PRH1: variants seen among roughly 807,000 people sequenced by gnomAD.
PRH1 encodes proline rich protein HaeIII subfamily 1, also known as salivary acidic proline-rich phosphoprotein 1/2.
A neutral mutation model predicts 7.9 loss-of-function variants in PRH1; 7 were observed. The ratio of observed to expected loss-of-function variants is 0.89; its 90% confidence interval spans 0.50 to 1.67. The LOEUF (loss-of-function observed/expected upper bound fraction) is 1.67, where lower values mean the gene tolerates loss of function less well. PRH1 is among the 40% of genes most tolerant of loss of function. The pLI is 0.00. For missense variants in PRH1, 109 were observed against 223.6 expected (o/e 0.49, Z 3.27); for synonymous variants, 45 against 80.8 (o/e 0.56, Z 2.38).
Position 11,081,567 on chromosome 12 carries a change from A to T in PRH1, n.124-34379T>A, listed in dbSNP as rs567854976. Among the ~76,000 whole-genome samples, 3 of 116,586 alleles carry T rather than the reference A, an allele frequency of 2.6e-5. 1 individual carries two copies. The East Asian group carries it at 6.3e-4, about 24-fold the overall frequency. The allele number at this position is 116,586 out of a possible 152,430, so 76.5% of individuals were successfully genotyped here. A position where few individuals can be genotyped will look rare whatever the true frequency, so the allele number is the denominator to read the frequency against. Reference sequence around the variant, plus strand: ...TTGAAAGAAACTAGAAATTAAGTTGATGTGAGTAGCTTTTTTTGGATATTA... The same window carrying T: ...TTGAAAGAAACTAGAAATTAAGTTGTTGTGAGTAGCTTTTTTTGGATATTA... On this transcript the variant is annotated intron_variant and non_coding_transcript_variant, in intron 1 of 4. Coordinates refer to the PRH1 transcript ENST00000541977.
chr12:10,911,938 C>T (rs1339079782), intron 2 of PRH1, among the ~76,000 whole-genome samples: 1 of 152,120 alleles, frequency 6.6e-6, no homozygotes, highest in Non-Finnish European at 1.5e-5. Flanking sequence ...ATTCAAATCA[C>T]GTTATTGTTT....
At chr12:10,897,664 G>A (rs1367129868) in intron 2 of PRH1, among the ~76,000 whole-genome samples, 1 of 152,160 alleles carries the variant, frequency 6.6e-6, no homozygotes, top group Non-Finnish European at 1.5e-5. Flanking sequence ...AAGGCAATGG[G>A]GAAATCAGAT....
intron 1 of PRH1, among the ~76,000 whole-genome samples, chr12:11,109,760 T>C (rs568768680): frequency 6.6e-6 from 1 of 152,220 alleles, no homozygotes; most frequent in South Asian, 2.1e-4. Flanking sequence ...CGGAAGCCTC[T>C]TCTCTTCCAA....
intron 1 of PRH1, among the ~76,000 whole-genome samples, chr12:11,073,138 A>ATT (rs1944151132): frequency 1.3e-5 from 1 of 79,042 alleles, no homozygotes; most frequent in South Asian, 3.7e-4. Context: ...ATTTATTTAT[A>ATT]TATTTATTTT....
intron 2 of PRH1, among the ~76,000 whole-genome samples, chr12:10,936,636 T>C (rs1427911574): frequency 6.6e-6 from 1 of 152,194 alleles, no homozygotes; most frequent in Non-Finnish European, 1.5e-5. Flanking sequence ...TCAGTCACTA[T>C]AGATTACTTT....
chr12:11,012,769 T>C (rs1413963645), intron 1 of PRH1, among the ~76,000 whole-genome samples: 1 of 151,996 alleles, frequency 6.6e-6, no homozygotes, highest in Non-Finnish European at 1.5e-5. Context: ...TGTTGCCCAG[T>C]ATGGTCTTGA....
chr12:11,170,688 A>G (rs1329403668), intron 1 of PRH1, among the ~76,000 whole-genome samples: 2 of 152,236 alleles, frequency 1.3e-5, no homozygotes, highest in Non-Finnish European at 2.9e-5. Context: ...AAGGGTTTAC[A>G]TGGCTGGGAA....
intron 2 of PRH1, among the ~76,000 whole-genome samples, chr12:10,896,038 G>C (rs1012086428): frequency 2.6e-5 from 4 of 152,172 alleles, no homozygotes. Flanking sequence ...TCTAAAATTA[G>C]ATTTCAACTA....
At chr12:10,912,905 G>C (rs1949920855) in intron 2 of PRH1, among the ~76,000 whole-genome samples, 2 of 152,020 alleles carry the variant, frequency 1.3e-5, no homozygotes, top group South Asian at 4.2e-4. Context: ...ACATCCACTA[G>C]ATCTATTTGT....
chr12:11,030,493 C>A (rs139069360), intron 1 of PRH1: 25,121 of 1,613,922 alleles, frequency 0.016, 3 homozygotes, highest in Middle Eastern at 0.032. Flanking sequence ...TCTTGTTTCC[C>A]CAAATCAGGA....
chr12:10,959,670 TC>T (rs1407749731), intron 2 of PRH1, among the ~76,000 whole-genome samples: 1 of 152,176 alleles, frequency 6.6e-6, no homozygotes, highest in African/African-American at 2.4e-5. Flanking sequence ...TATATATAGA[TC>T]ATCATATAAT....
At chr12:10,922,795 T>C (rs1950064979) in intron 2 of PRH1, among the ~76,000 whole-genome samples, 1 of 151,152 alleles carries the variant, frequency 6.6e-6, no homozygotes, top group Admixed American at 6.6e-5. Context: ...TCCAAATTCA[T>C]GATTATTGCA....
chr12:11,033,574 A>G (rs1942315889), intron 1 of PRH1, among the ~76,000 whole-genome samples: 1 of 152,114 alleles, frequency 6.6e-6, no homozygotes. Flanking sequence ...ATAGATGGGG[A>G]ATGGCAAAGG....
chr12:11,061,029 CA>C (rs1477137942), intron 1 of PRH1, among the ~76,000 whole-genome samples: 1 of 151,994 alleles, frequency 6.6e-6, no homozygotes, highest in East Asian at 1.9e-4. Context: ...ATAAATTATT[CA>C]AATGAAATAT....
At chr12:10,939,120 C>CTATGAA in intron 2 of PRH1, 1 of 1,607,370 alleles carries the variant, frequency 6.2e-7, no homozygotes, top group Non-Finnish European at 8.5e-7. Context: ...ATACAGTTCA[C>CTATGAA]CAGTGCTATG....
At chr12:10,979,265 A>G (rs1467444029) in intron 1 of PRH1, among the ~76,000 whole-genome samples, 1 of 152,214 alleles carries the variant, frequency 6.6e-6, no homozygotes, top group African/African-American at 2.4e-5. Flanking sequence ...AAATCTAAAA[A>G]AAATTTAAAA....
chr12:11,140,220 G>A (rs1946664896), intron 1 of PRH1, among the ~76,000 whole-genome samples: 1 of 151,760 alleles, frequency 6.6e-6, no homozygotes, highest in African/African-American at 2.4e-5. Flanking sequence ...AAATATAATT[G>A]TTAACAGCAC....
At chr12:10,941,946 T>C (rs1007122839) in intron 2 of PRH1, among the ~76,000 whole-genome samples, 2 of 152,188 alleles carry the variant, frequency 1.3e-5, no homozygotes, top group Middle Eastern at 3.2e-3. Context: ...TTTTTTCCTA[T>C]GGATGTGGCT....
chr12:10,963,922 C>T (rs1938376080), intron 2 of PRH1, among the ~76,000 whole-genome samples: 1 of 152,146 alleles, frequency 6.6e-6, no homozygotes, highest in Non-Finnish European at 1.5e-5. Context: ...GATAAAACTT[C>T]ATTATTGATT....
Sources: gnomAD v4.1 joint callset for allele counts (sites outside exome capture counted in the v4.1 genomes callset) on GRCh38, gnomAD v4.1.1 for gene constraint, MANE v1.5 for transcripts, NCBI Gene and HGNC (gene_info 2026-07-23, HGNC 2026-07-21) for gene names.